ZRANB3: variants seen among roughly 807,000 people sequenced by gnomAD.
ZRANB3 encodes the protein DNA annealing helicase and endonuclease ZRANB3.
In ZRANB3, 125 loss-of-function variants were observed where a neutral mutation model predicts 133.8. That is an observed-to-expected ratio of 0.93 (90% CI 0.81 to 1.08). The LOEUF (loss-of-function observed/expected upper bound fraction) is 1.08. ZRANB3 is among the 50% of genes least tolerant of loss of function. The pLI is 0.00. For synonymous variants in ZRANB3, 387 were observed against 432.7 expected, an observed-to-expected ratio of 0.89 and a Z score of 1.31; for missense variants, 1,229 against 1,275.5, an observed-to-expected ratio of 0.96 and a Z score of 0.56.
chr2:135,362,154 C>G (rs537383907), intron 3 of ZRANB3, among the ~76,000 whole-genome samples: 2 of 149,968 alleles, frequency 1.3e-5, no homozygotes, highest in Non-Finnish European at 3.0e-5. Context: ...GCTGAGATCG[C>G]GCCACTGCAC....
At position 135,451,046 on chromosome 2, in the gene ZRANB3, T is replaced by C. The variant is rs148962720; in HGVS notation, c.161+53283A>G. Among the ~76,000 whole-genome samples, 5 of 152,342 alleles carry C rather than the reference T, an allele frequency of 3.3e-5. No homozygotes were observed. The East Asian group carries it at 9.6e-4, about 29-fold the overall frequency. ...TCTGCTCATAATTCACACAGAATATTGTGTACTCAGAAGAGTTTCTGCCTT... is the reference window on the plus strand; with the variant it reads ...TCTGCTCATAATTCACACAGAATATCGTGTACTCAGAAGAGTTTCTGCCTT... On this transcript the variant is annotated intron_variant, in intron 2 of 20. Transcript: ENST00000264159.
chr2:135,524,819 G>C (rs1302002209), intron 1 of ZRANB3, among the ~76,000 whole-genome samples: 1 of 151,870 alleles, frequency 6.6e-6, no homozygotes, highest in African/African-American at 2.4e-5. Context: ...TAAATTAATG[G>C]GTATGGAGAG....
chr2:135,332,843 T>G (rs1408936234), intron 6 of ZRANB3, among the ~76,000 whole-genome samples: 1 of 152,228 alleles, frequency 6.6e-6, no homozygotes, highest in Admixed American at 6.5e-5. Context: ...TCTTCACATC[T>G]TTCCTCAGCC....
chr2:135,478,467 T>C (rs1371612380), intron 2 of ZRANB3, among the ~76,000 whole-genome samples: 1 of 152,164 alleles, frequency 6.6e-6, no homozygotes, highest in African/African-American at 2.4e-5. Flanking sequence ...TGACTGACAC[T>C]GAACACCATA....
At chr2:135,295,703 C>A (rs1306578212) in intron 8 of ZRANB3, among the ~76,000 whole-genome samples, 1 of 152,190 alleles carries the variant, frequency 6.6e-6, no homozygotes, top group Non-Finnish European at 1.5e-5. Flanking sequence ...CATGTTTTTG[C>A]AGTGGCTTGT....
rs542094898 is a variant in ZRANB3, at chr2:135,232,256, C to A, written c.1540-1329G>T. 3.3e-4 allele frequency among the ~76,000 whole-genome samples: 51 copies of A among 152,332 alleles called. 1 individual carries two copies. The South Asian group carries it at 0.01, about 31-fold the overall frequency. ...GTGAGGCTGGGGGAGGGGCGCCTGC[C>A]ATTGCTGAGGCTTGAGTAGGTAAAC... On this transcript the variant is annotated intron_variant, in intron 12 of 20. Coordinates refer to ENST00000264159, the MANE Select transcript of ZRANB3 (RefSeq NM_032143.4).
intron 8 of ZRANB3, among the ~76,000 whole-genome samples, chr2:135,280,470 G>C (rs951686380): frequency 4.6e-5 from 7 of 152,152 alleles, no homozygotes; most frequent in Non-Finnish European, 1.5e-5. Flanking sequence ...GGGAGGCTGA[G>C]GCAGGAGAAT....
intron 1 of ZRANB3, chr2:135,511,621 A>T: frequency 1.3e-6 from 1 of 786,726 alleles, no homozygotes. Context: ...CATCTGCATG[A>T]ATCTCCTCAA....
rs997161662 is a variant in ZRANB3 at position 135,294,940 on chromosome 2, G to A, written c.966+18549C>T. On this transcript the variant is annotated intron_variant, in intron 8 of 20. Coordinates refer to ENST00000264159, the MANE Select transcript of ZRANB3 (RefSeq NM_032143.4). ...GTTTCTTAATCCTGAGTTTTAGTTT[G>A]ATTGCAGTGTGGTCTGAGAGAGAGT... 1.4e-4 allele frequency among the ~76,000 whole-genome samples: 22 copies of A among 152,272 alleles called. No homozygotes were observed. In the East Asian group the frequency reaches 2.3e-3, roughly 16 times the overall value.
chr2:135,305,924 C>T (rs1428914743), intron 8 of ZRANB3, among the ~76,000 whole-genome samples: 2 of 152,000 alleles, frequency 1.3e-5, no homozygotes, highest in African/African-American at 4.8e-5. Flanking sequence ...TGTCTCCTTG[C>T]CTGTAAGGTT....
intron 2 of ZRANB3, among the ~76,000 whole-genome samples, chr2:135,501,118 C>G (rs910360573): frequency 6.6e-6 from 1 of 151,860 alleles, no homozygotes; most frequent in Non-Finnish European, 1.5e-5. Flanking sequence ...TACAGAACTC[C>G]AAAGACAAAG....
At chr2:135,287,225 C>T (rs1435520499) in intron 8 of ZRANB3, among the ~76,000 whole-genome samples, 1 of 152,186 alleles carries the variant, frequency 6.6e-6, no homozygotes, top group African/African-American at 2.4e-5. Flanking sequence ...GATCAGTTGG[C>T]TGTAAATATT....
At chr2:135,368,208 G>T (rs1177024443) in intron 3 of ZRANB3, among the ~76,000 whole-genome samples, 2 of 151,770 alleles carry the variant, frequency 1.3e-5, no homozygotes, top group African/African-American at 4.8e-5. Flanking sequence ...AAGAGAAAAT[G>T]CAATACATAA....
At chr2:135,254,486 G>A (rs1465086076) in intron 12 of ZRANB3, among the ~76,000 whole-genome samples, 2 of 151,676 alleles carry the variant, frequency 1.3e-5, no homozygotes, top group East Asian at 1.9e-4. Context: ...CGTGGCTCAC[G>A]CCTATAATCC....
chr2:135,523,635 A>G (rs1694033291), intron 1 of ZRANB3, among the ~76,000 whole-genome samples: 1 of 152,228 alleles, frequency 6.6e-6, no homozygotes, highest in Non-Finnish European at 1.5e-5. Context: ...AAAGCCTCTA[A>G]GGTAGGTATT....
At chr2:135,214,908 C>T (rs527948031) in intron 17 of ZRANB3, among the ~76,000 whole-genome samples, 71 of 152,280 alleles carry the variant, frequency 4.7e-4, no homozygotes, top group African/African-American at 1.6e-3. Context: ...TGTACTCATA[C>T]AACATTTTAC....
chr2:135,442,746 C>T (rs562210994), intron 2 of ZRANB3, among the ~76,000 whole-genome samples: 7 of 152,248 alleles, frequency 4.6e-5, no homozygotes, highest in East Asian at 1.9e-4. Flanking sequence ...CACACGCAAA[C>T]GTATGTTTAC....
At chr2:135,429,011 T>C (rs1460808189) in intron 2 of ZRANB3, among the ~76,000 whole-genome samples, 1 of 152,222 alleles carries the variant, frequency 6.6e-6, no homozygotes, top group Non-Finnish European at 1.5e-5. Context: ...AATTACCATC[T>C]GACCTAGGAA....
intron 8 of ZRANB3, among the ~76,000 whole-genome samples, chr2:135,311,514 T>C (rs1037188599): frequency 1.2e-4 from 19 of 152,014 alleles, no homozygotes; most frequent in Non-Finnish European, 2.9e-5. Context: ...CATGAATGAT[T>C]ATACCACTTT....
Sources: allele counts gnomAD v4.1 joint callset (sites outside exome capture counted in the v4.1 genomes callset), GRCh38; gene constraint gnomAD v4.1.1; transcripts MANE v1.5; gene names NCBI Gene and HGNC (gene_info 2026-07-23, HGNC 2026-07-21).